The following SV2B variants were observed in gnomAD, a reference collection of about 807,000 sequenced individuals.
SV2B encodes synaptic vesicle glycoprotein 2B.
In SV2B, 41 loss-of-function variants were observed where a neutral mutation model predicts 73.9. The observed-to-expected ratio is 0.56, with a 90% CI of 0.43 to 0.72. The LOEUF is 0.72. Among genes scored for constraint, SV2B ranks in the 30% least tolerant of loss-of-function variants. SV2B has a pLI of 0.00. For synonymous variants in SV2B, 314 were observed against 314.2 expected (o/e 1.00, Z 0.01); for missense variants, 764 against 857.8 (o/e 0.89, Z 1.37).
rs147633843 is a variant in SV2B at position 91,242,572 on chromosome 15, C to A, written c.452-9247C>A. On this transcript the variant is annotated intron_variant, in intron 2 of 12. Coordinates refer to ENST00000394232, the MANE Select transcript of SV2B (RefSeq NM_001323032.3). The surrounding 1 kb of genome is among the most constrained non-coding windows in gnomAD (Gnocchi z 4.9). ...GAAATATGAGAAGGAGCCAGCCATG[C>A]GAAGATCTGAACAAAGAACATTCTA... is the stretch of plus-strand genomic sequence containing the variant. Among the ~76,000 whole-genome samples, 1 of 151,962 alleles carries A rather than the reference C, an allele frequency of 6.6e-6. No homozygotes were observed.
chr15:91,291,802 C>A (rs1037039238), intron 12 of SV2B, among the ~76,000 whole-genome samples: 1 of 152,162 alleles, frequency 6.6e-6, no homozygotes, highest in African/African-American at 2.4e-5. Context: ...GAGCAAAAGG[C>A]CCACCCGCAA....
chr15:91,289,629 C>G lies in SV2B; in HGVS notation c.1817C>G (p.Ala606Gly). 1 of 1,614,120 alleles carries G rather than the reference C, an allele frequency of 6.2e-7. No homozygotes were observed. Among genetic ancestry groups the G allele is most frequent in the East Asian group, 2.2e-5 (1 of 44,882 alleles). ...QCLFCGTSIA[A>G]WNALDVITVE... Reference sequence around the variant, plus strand: ...CTGTTCTGTGGGACAAGCATTGCAGCCTGGAATGCTCTGGATGTGATCACA... The same window carrying G: ...CTGTTCTGTGGGACAAGCATTGCAGGCTGGAATGCTCTGGATGTGATCACA... Residue 606 changes from alanine to glycine, a missense_variant, in exon 12 of 13, where the codon GCC becomes GGC. Coordinates refer to ENST00000394232, the MANE Select transcript of SV2B (RefSeq NM_001323032.3). The surrounding 1 kb of genome is among the most constrained non-coding windows in gnomAD (Gnocchi z 4.9).
chr15:91,285,517 C>T (rs1407480134), intron 11 of SV2B, among the ~76,000 whole-genome samples: 1 of 152,252 alleles, frequency 6.6e-6, no homozygotes, highest in African/African-American at 2.4e-5. Flanking sequence ...GCAGAAGACA[C>T]TACAGGTTGG....
At position 91,241,146 on chromosome 15, in the gene SV2B, G is replaced by C. The variant is rs767194850; in HGVS notation, c.452-10673G>C. ...TAAGTGATTTCCATTATCCTGGTCT[G>C]TCGTTTCCTTAAAGTCCTCTCCAAT... On this transcript the variant is annotated intron_variant, in intron 2 of 12. Transcript: ENST00000394232. The surrounding 1 kb of genome is among the most constrained non-coding windows in gnomAD (Gnocchi z 4.8). 3.3e-5 allele frequency among the ~76,000 whole-genome samples: 5 copies of C among 152,152 alleles called. No homozygotes were observed. Among genetic ancestry groups the C allele is most frequent in the Non-Finnish European group, 7.4e-5 (5 of 68,026 alleles).
At chr15:91,117,007 CAT>C (rs1240086245) in intron 1 of SV2B, among the ~76,000 whole-genome samples, 3 of 152,152 alleles carry the variant, frequency 2.0e-5, no homozygotes, top group South Asian at 2.1e-4. Flanking sequence ...CTTCCCATGA[CAT>C]GTGGGGATTA....
At position 91,158,627 on chromosome 15, in the gene SV2B, A is replaced by C. The variant is rs1435636541; in HGVS notation, c.-392+58264A>C. Among the ~76,000 whole-genome samples, 18 of 105,904 alleles carry C rather than the reference A, an allele frequency of 1.7e-4. 1 individual carries two copies. The highest frequency in any genetic ancestry group is 2.6e-4 in the Non-Finnish European group (12 of 46,672). 69.5% of individuals were successfully genotyped at this position (105,904 alleles called of 152,430 possible). ...TAGAGAAAGGGTGGCCTTTTCTTTT[A>C]TTTTCCCTCTTCTCTTCTCTTCTCT... On this transcript the variant is annotated intron_variant, in intron 1 of 12. Coordinates refer to ENST00000394232, the MANE Select transcript of SV2B (RefSeq NM_001323032.3).
At chr15:91,254,178 T>A (rs2047594682) in intron 4 of SV2B, among the ~76,000 whole-genome samples, 1 of 152,102 alleles carries the variant, frequency 6.6e-6, no homozygotes, top group Non-Finnish European at 1.5e-5. Flanking sequence ...TGATATAATA[T>A]CATTTTCTCT....
chr15:91,281,822 A>C lies in SV2B; in HGVS notation c.1468A>C (p.Lys490Gln). The C allele has an allele frequency of 6.2e-7, 1 of 1,613,224 alleles. No individual in the cohort carries two copies. The highest frequency in any genetic ancestry group is 8.5e-7 in the Non-Finnish European group (1 of 1,179,526). The change falls in exon 10 of 13, where the codon AAA becomes CAA. Residue 490 changes from lysine to glutamine, a missense_variant. Lys to Gln is a moderately conservative substitution (Grantham distance 53). Coordinates refer to ENST00000394232, the MANE Select transcript of SV2B (RefSeq NM_001323032.3). This position sits in a 1 kb window ranked among gnomAD's most constrained non-coding sequence, Gnocchi z 4.7. Reference protein sequence around the residue: ...EDVTSTDTYFKNCTIESTIFY... With the variant: ...EDVTSTDTYFQNCTIESTIFY... ...CGTAACATCAACAGATACCTACTTC[A>C]AAAATTGTACCATTGAATCAACCAT... is the stretch of plus-strand genomic sequence containing the variant.
chr15:91,189,529 C>T (rs1428369152), intron 1 of SV2B, among the ~76,000 whole-genome samples: 1 of 152,138 alleles, frequency 6.6e-6, no homozygotes. Context: ...TGTCAGTTTT[C>T]TCCAAAGTAC....
intron 9 of SV2B, among the ~76,000 whole-genome samples, chr15:91,275,552 T>C (rs1268241287): frequency 6.6e-6 from 1 of 152,150 alleles, no homozygotes; most frequent in Non-Finnish European, 1.5e-5. Flanking sequence ...AGGCTGGACA[T>C]AGTGGCTCAC....
intron 1 of SV2B, among the ~76,000 whole-genome samples, chr15:91,108,527 A>C (rs2041951936): frequency 6.6e-6 from 1 of 152,230 alleles, no homozygotes; most frequent in Non-Finnish European, 1.5e-5. Flanking sequence ...ATACGTATTT[A>C]TTAGATACAT....
At chr15:91,205,896 G>GA (rs1283391710) in intron 1 of SV2B, among the ~76,000 whole-genome samples, 1 of 152,198 alleles carries the variant, frequency 6.6e-6, no homozygotes, top group African/African-American at 2.4e-5. Context: ...CACTGGAGGA[G>GA]AAAAACAGCT....
At chr15:91,198,455 ATGTGTG>A (rs5814467) in intron 1 of SV2B, among the ~76,000 whole-genome samples, 1,445 of 136,800 alleles carry the variant, frequency 0.011, 8 homozygotes, top group East Asian at 0.062. Context: ...AAGCACGTGT[ATGTGTG>A]TGTGTGTGTG....
rs548970057 is a variant in SV2B, at chr15:91,139,340, A to G, written c.-392+38977A>G. On this transcript the variant is annotated intron_variant, in intron 1 of 12. Transcript: ENST00000394232. The surrounding 1 kb of genome is among the most constrained non-coding windows in gnomAD (Gnocchi z 5.2). ...GAATGTGCTTGCAAATTTCCACAATAAAATGTTAAAAAAAAAGAAGTAAGG... is the reference window on the plus strand; with the variant it reads ...GAATGTGCTTGCAAATTTCCACAATGAAATGTTAAAAAAAAAGAAGTAAGG... Among the ~76,000 whole-genome samples the G allele has an allele frequency of 1.3e-5, 2 of 149,062 alleles. No homozygotes were observed. Among genetic ancestry groups the G allele is most frequent in the Admixed American group, 1.3e-4 (2 of 15,012 alleles).
chr15:91,238,805 G>A (rs1213682120), intron 2 of SV2B, among the ~76,000 whole-genome samples: 1 of 152,168 alleles, frequency 6.6e-6, no homozygotes, highest in Non-Finnish European at 1.5e-5. Context: ...AGGGGCCCAA[G>A]AGATGATCCG....
intron 1 of SV2B, among the ~76,000 whole-genome samples, chr15:91,183,014 G>T (rs1248269927): frequency 6.6e-6 from 1 of 152,316 alleles, no homozygotes; most frequent in African/African-American, 2.4e-5. Context: ...GAGAGACTCA[G>T]TTCAGATCCT....
chr15:91,196,713 T>G (rs1028477945), intron 1 of SV2B, among the ~76,000 whole-genome samples: 14 of 152,196 alleles, frequency 9.2e-5, no homozygotes, highest in African/African-American at 3.1e-4. Context: ...TGAATTATCC[T>G]CTACTTATAT....
chr15:91,156,007 G>T (rs1175271355), intron 1 of SV2B, among the ~76,000 whole-genome samples: 1 of 152,032 alleles, frequency 6.6e-6, no homozygotes, highest in African/African-American at 2.4e-5. Context: ...AGCTGATATA[G>T]AAATAAATTT....
At chr15:91,272,913 G>A (rs2239992) in intron 9 of SV2B, among the ~76,000 whole-genome samples, 58,244 of 144,454 alleles carry the variant, frequency 0.4, 12,639 homozygotes, top group African/African-American at 0.59. Flanking sequence ...GCTCACTACA[G>A]TCTCCGCCTC....
Sources: gnomAD v4.1 joint callset for allele counts (sites outside exome capture counted in the v4.1 genomes callset) on GRCh38, gnomAD v4.1.1 for gene constraint, Gnocchi (gnomAD v3.1) non-coding constraint, MANE v1.5 for transcripts, NCBI Gene and HGNC (gene_info 2026-07-23, HGNC 2026-07-21) for gene names.